ATP10B: variants seen among roughly 807,000 people sequenced by gnomAD.
The protein encoded by ATP10B is ATPase phospholipid transporting 10B (putative).
ATP10B carries 122 observed loss-of-function variants against 141.2 expected under a neutral mutation model. That is an observed-to-expected ratio of 0.86 (90% CI 0.75 to 1.00). The LOEUF (loss-of-function observed/expected upper bound fraction) is 1.00, where lower values mean the gene tolerates loss of function less well. Ranked by LOEUF, ATP10B falls within the 50% of genes least tolerant of loss-of-function variation. ATP10B has a pLI of 0.00. For missense variants in ATP10B, 1,876 were observed against 1,825.3 expected, an observed-to-expected ratio of 1.03 and a Z score of -0.51; for synonymous variants, 685 against 692.0, an observed-to-expected ratio of 0.99 and a Z score of 0.16.
rs1023665750 is a variant in ATP10B, at chr5:160,822,399, G to A, written c.-576+29542C>T. 3.9e-5 allele frequency among the ~76,000 whole-genome samples: 6 copies of A among 152,174 alleles called. No individual in the cohort carries two copies. The East Asian group carries it at 7.7e-4, about 20-fold the overall frequency. On this transcript the variant is annotated intron_variant, in intron 1 of 25. Coordinates refer to ENST00000327245, the MANE Select transcript of ATP10B (RefSeq NM_025153.3). ...AGGATATGAAGAAAAGGGAACCCTTGTACGCTGTTAGTGGGAATGTAAATT... is the reference window on the plus strand; with the variant it reads ...AGGATATGAAGAAAAGGGAACCCTTATACGCTGTTAGTGGGAATGTAAATT...
intron 1 of ATP10B, among the ~76,000 whole-genome samples, chr5:160,843,434 G>A (rs1296141309): frequency 6.6e-6 from 1 of 151,906 alleles, no homozygotes; most frequent in Non-Finnish European, 1.5e-5. Context: ...CCTATTGCCT[G>A]CCTCGTTGAT....
chr5:160,892,440 T>C, the ATP10B span, among the ~76,000 whole-genome samples: 1 of 152,232 alleles, frequency 6.6e-6, no homozygotes, highest in Non-Finnish European at 1.5e-5. Flanking sequence ...GACAGACCAT[T>C]CCTTATGCTT....
At chr5:160,870,864 G>C in the ATP10B span, among the ~76,000 whole-genome samples, 1 of 144,964 alleles carries the variant, frequency 6.9e-6, no homozygotes, top group Admixed American at 6.9e-5. Flanking sequence ...TGTAGGTATA[G>C]AATGAAGCAA....
At chr5:160,840,278 G>C (rs1391514745) in intron 1 of ATP10B, among the ~76,000 whole-genome samples, 1 of 151,978 alleles carries the variant, frequency 6.6e-6, no homozygotes, top group Non-Finnish European at 1.5e-5. Flanking sequence ...AAATGCATAA[G>C]AATAGGTAGA....
chr5:160,902,499 A>G, the ATP10B span, among the ~76,000 whole-genome samples: 1 of 152,224 alleles, frequency 6.6e-6, no homozygotes, highest in Admixed American at 6.5e-5. Context: ...CACGGATTAA[A>G]CTTTCCTGAA....
chr5:160,821,242 G>T (rs1774077503), intron 1 of ATP10B, among the ~76,000 whole-genome samples: 1 of 151,924 alleles, frequency 6.6e-6, no homozygotes, highest in South Asian at 2.1e-4. Flanking sequence ...AAAAAGAAAT[G>T]TAACAAGTAA....
intron 2 of ATP10B, among the ~76,000 whole-genome samples, chr5:160,771,964 G>A (rs115063945): frequency 1.2e-3 from 176 of 152,340 alleles, no homozygotes; most frequent in Middle Eastern, 6.8e-3. Flanking sequence ...CCTGGATAAG[G>A]CCGACTAATC....
At chr5:160,631,667 A>G (rs1351243325) in intron 13 of ATP10B, among the ~76,000 whole-genome samples, 1 of 152,236 alleles carries the variant, frequency 6.6e-6, no homozygotes, top group Non-Finnish European at 1.5e-5. Flanking sequence ...CATAACAAAT[A>G]TTTCTAATTT....
intron 1 of ATP10B, among the ~76,000 whole-genome samples, chr5:160,797,918 C>T (rs1416686478): frequency 1.4e-5 from 2 of 145,500 alleles, no homozygotes; most frequent in Non-Finnish European, 3.0e-5. Flanking sequence ...TACCAAGACC[C>T]TGTCATGCAA....
At chr5:160,816,729 T>G (rs892281780) in intron 1 of ATP10B, among the ~76,000 whole-genome samples, 1 of 152,136 alleles carries the variant, frequency 6.6e-6, no homozygotes, top group African/African-American at 2.4e-5. Context: ...ACATCCCTGA[T>G]AAACATCGAT....
intron 2 of ATP10B, among the ~76,000 whole-genome samples, chr5:160,724,088 T>C (rs1766164738): frequency 6.6e-6 from 1 of 151,632 alleles, no homozygotes; most frequent in Non-Finnish European, 1.5e-5. Flanking sequence ...AACACAAGGG[T>C]ACAGAGAGGG....
chr5:160,842,824 AC>A (rs1382424398), intron 1 of ATP10B, among the ~76,000 whole-genome samples: 3 of 152,054 alleles, frequency 2.0e-5, no homozygotes, highest in African/African-American at 7.2e-5. Flanking sequence ...ACACACACAC[AC>A]AAAAATCAGG....
At chr5:160,765,069 T>C (rs1003210506) in intron 2 of ATP10B, among the ~76,000 whole-genome samples, 2 of 152,134 alleles carry the variant, frequency 1.3e-5, no homozygotes, top group Non-Finnish European at 2.9e-5. Context: ...AAAGAAATCA[T>C]AGATGACACA....
the ATP10B span, among the ~76,000 whole-genome samples, chr5:160,893,277 A>G: frequency 6.6e-6 from 1 of 152,160 alleles, no homozygotes; most frequent in African/African-American, 2.4e-5. Flanking sequence ...TACAGAGCCA[A>G]ACAAGCTAAG....
At chr5:160,917,776 G>T in the ATP10B span, among the ~76,000 whole-genome samples, 1 of 152,148 alleles carries the variant, frequency 6.6e-6, no homozygotes, top group East Asian at 1.9e-4. Context: ...CTCTGCTGGC[G>T]TCCCTGCCAC....
chr5:160,629,234 C>T (rs1758779500), intron 13 of ATP10B, among the ~76,000 whole-genome samples: 1 of 152,112 alleles, frequency 6.6e-6, no homozygotes, highest in African/African-American at 2.4e-5. Flanking sequence ...GGGGTGGGCA[C>T]CGAGACAGCC....
chr5:160,764,303 A>G (rs1201463220), intron 2 of ATP10B, among the ~76,000 whole-genome samples: 5 of 152,182 alleles, frequency 3.3e-5, no homozygotes, highest in African/African-American at 4.8e-5. Context: ...ATAGACGCAA[A>G]AATCCTCAAC....
chr5:160,857,421 C>T, the ATP10B span, among the ~76,000 whole-genome samples: 4 of 151,484 alleles, frequency 2.6e-5, no homozygotes, highest in African/African-American at 9.7e-5. Flanking sequence ...TTTGTCTATT[C>T]TCTTGTCAGT....
chr5:160,885,184 G>T, the ATP10B span, among the ~76,000 whole-genome samples: 1 of 152,340 alleles, frequency 6.6e-6, no homozygotes, highest in East Asian at 1.9e-4. Context: ...ATAAGTGAAT[G>T]AATAAGTAAA....
Sources: allele counts gnomAD v4.1 joint callset (sites outside exome capture counted in the v4.1 genomes callset), GRCh38; gene constraint gnomAD v4.1.1; transcripts MANE v1.5; gene names NCBI Gene and HGNC (gene_info 2026-07-23, HGNC 2026-07-21).